OSBPL10: variants seen among roughly 807,000 people sequenced by gnomAD.
The protein encoded by OSBPL10 is oxysterol binding protein like 10.
In OSBPL10, 49 loss-of-function variants were observed where a neutral mutation model predicts 81.7. That is an observed-to-expected ratio of 0.60 (90% CI 0.48 to 0.76). OSBPL10 has a LOEUF of 0.76. Among genes scored for constraint, OSBPL10 ranks in the 30% least tolerant of loss-of-function variants. The probability of loss-of-function intolerance (pLI) is 0.00; values close to 1 mark genes in which losing one functional copy is unlikely to be tolerated. For missense variants in OSBPL10, 923 were observed against 987.8 expected (o/e 0.93, Z 0.88); for synonymous variants, 419 against 383.6 (o/e 1.09, Z -1.08).
intron 1 of OSBPL10, among the ~76,000 whole-genome samples, chr3:31,928,797 A>G (rs920336396): frequency 2.0e-5 from 3 of 150,642 alleles, no homozygotes; most frequent in Non-Finnish European, 4.4e-5. Context: ...CCCAGAATGT[A>G]TATTTATACC....
At chr3:31,999,478 A>G (rs1699124345) in intron 2 of OSBPL10, among the ~76,000 whole-genome samples, 1 of 149,506 alleles carries the variant, frequency 6.7e-6, no homozygotes, top group African/African-American at 2.5e-5. Context: ...CTTCTGCCTC[A>G]GCCTCCTGAG....
At chr3:31,902,561 C>A (rs1023926169) in intron 1 of OSBPL10, among the ~76,000 whole-genome samples, 1 of 151,434 alleles carries the variant, frequency 6.6e-6, no homozygotes, top group South Asian at 2.1e-4. Context: ...CTGCGCCCAG[C>A]CTTCCTGCCA....
At chr3:31,862,188 A>G (rs1701070863) in intron 3 of OSBPL10, among the ~76,000 whole-genome samples, 3 of 152,030 alleles carry the variant, frequency 2.0e-5, no homozygotes, top group East Asian at 1.9e-4. Context: ...TTTTTTTTTA[A>G]TTTTTTTAAA....
intron 1 of OSBPL10, among the ~76,000 whole-genome samples, chr3:31,939,884 C>T (rs1401876279): frequency 6.6e-6 from 1 of 152,068 alleles, no homozygotes; most frequent in Non-Finnish European, 1.5e-5. Context: ...CAGGTGCATG[C>T]TACCACACCT....
At chr3:31,694,269 G>T (rs1303070526) in intron 7 of OSBPL10, among the ~76,000 whole-genome samples, 2 of 150,416 alleles carry the variant, frequency 1.3e-5, no homozygotes, top group Non-Finnish European at 1.5e-5. Flanking sequence ...TACTCAGGAG[G>T]CTGAGGCAGG....
At chr3:31,666,933 C>T (rs536414824) in intron 10 of OSBPL10, among the ~76,000 whole-genome samples, 28 of 152,222 alleles carry the variant, frequency 1.8e-4, no homozygotes, top group African/African-American at 6.0e-4. Context: ...GTAGCTTGTT[C>T]CCTATTTCAG....
At chr3:31,980,828 T>G (rs1246222891) in intron 1 of OSBPL10, 71 bp downstream of exon 1, 13 of 1,423,550 alleles carry the variant, frequency 9.1e-6, no homozygotes, top group South Asian at 2.9e-5. Flanking sequence ...CAGACACACA[T>G]ACACACACGC....
chr3:31,783,426 T>C (rs1203180923), intron 4 of OSBPL10, among the ~76,000 whole-genome samples: 3 of 151,732 alleles, frequency 2.0e-5, no homozygotes, highest in African/African-American at 4.8e-5. Context: ...AGGTGATGCG[T>C]GTACCAGAAT....
intron 4 of OSBPL10, among the ~76,000 whole-genome samples, chr3:31,753,384 C>T (rs1697778096): frequency 6.6e-6 from 1 of 152,058 alleles, no homozygotes; most frequent in African/African-American, 2.4e-5. Flanking sequence ...AGGGTTTCTC[C>T]ATGCTGGTCA....
chr3:31,838,443 G>A (rs529413213), intron 3 of OSBPL10, among the ~76,000 whole-genome samples: 37 of 150,198 alleles, frequency 2.5e-4, no homozygotes, highest in African/African-American at 8.3e-4. Context: ...CCCGGGAGGC[G>A]GAGCCTGCAG....
chr3:31,935,362 T>C (rs900830065), intron 1 of OSBPL10, among the ~76,000 whole-genome samples: 2 of 152,178 alleles, frequency 1.3e-5, no homozygotes, highest in Non-Finnish European at 2.9e-5. Context: ...TGTTAAACTT[T>C]TTTTTTATAC....
chr3:31,778,358 GGA>G (rs1698602768), intron 4 of OSBPL10, among the ~76,000 whole-genome samples: 1 of 152,126 alleles, frequency 6.6e-6, no homozygotes, highest in Admixed American at 6.5e-5. Flanking sequence ...CCCTGCCCAA[GGA>G]GAGTCTGAGC....
chr3:31,663,406 C>T, intron 11 of OSBPL10: 1 of 986,770 alleles, frequency 1.0e-6, no homozygotes, highest in Non-Finnish European at 1.2e-6. Flanking sequence ...ACGTGTGGCT[C>T]CTACATTTTC....
chr3:31,842,252 AC>A (rs1255727454), intron 3 of OSBPL10, among the ~76,000 whole-genome samples: 1 of 152,228 alleles, frequency 6.6e-6, no homozygotes. Flanking sequence ...TCTCCATATC[AC>A]CTTAGCTAAG....
intron 4 of OSBPL10, among the ~76,000 whole-genome samples, chr3:31,763,788 AAACTGGGCAAAAATT>A (rs1285109389): frequency 2.6e-5 from 4 of 152,212 alleles, no homozygotes; most frequent in Non-Finnish European, 5.9e-5. Flanking sequence ...AAAAGAAAAA[AAACTGGGCAAAAATT>A]TCACACCTCC....
intron 4 of OSBPL10, among the ~76,000 whole-genome samples, chr3:31,783,104 AT>A (rs1559462791): frequency 1.5e-5 from 2 of 130,196 alleles, no homozygotes; most frequent in African/African-American, 6.8e-5. Context: ...CTATATCAAT[AT>A]ATCTATTATA....
rs558150713 is a variant in OSBPL10 at position 31,868,968 on chromosome 3, A to T, written c.537+7465T>A. Among the ~76,000 whole-genome samples the T allele has an allele frequency of 2.2e-4, 34 of 152,356 alleles. No individual in the cohort carries two copies. In the Middle Eastern group the frequency reaches 0.01, roughly 46 times the overall value. On this transcript the variant is annotated intron_variant, in intron 3 of 11. Transcript: ENST00000396556. Reference sequence around the variant, plus strand: ...CCTATCTAAAAACAGACTGCTAAACAGACACATAGCCACGAATGGATTAAA... The same window carrying T: ...CCTATCTAAAAACAGACTGCTAAACTGACACATAGCCACGAATGGATTAAA...
In OSBPL10 at chr3:32,066,023, AAGAG is replaced by A. The variant is rs150484350; in HGVS notation, n.185+11369_185+11372del. 0.033 allele frequency among the ~76,000 whole-genome samples: 2,271 copies of A among 68,208 alleles called. 597 individuals are homozygous for A. The East Asian group carries it at 0.38, about 11-fold the overall frequency. The allele number at this position is 68,208 out of a possible 152,430, so 44.7% of individuals were successfully genotyped here. A position where few individuals can be genotyped will look rare whatever the true frequency, so the allele number is the denominator to read the frequency against. Reference sequence around the variant, plus strand: ...AGAAAGAAAGAGAAAGAAAGAAAGAAAGAGAGAGAGAGAGAAAGAGAAAGAGAAG... The same window carrying A: ...AGAAAGAAAGAGAAAGAAAGAAAGAAAGAGAGAGAGAAAGAGAAAGAGAAG... On this transcript the variant is annotated intron_variant and non_coding_transcript_variant, in intron 1 of 3. Coordinates refer to the OSBPL10 transcript ENST00000479173.
intron 1 of OSBPL10, among the ~76,000 whole-genome samples, chr3:31,911,986 T>C (rs143594943): frequency 3.2e-4 from 49 of 152,284 alleles, no homozygotes; most frequent in African/African-American, 1.2e-3. Flanking sequence ...GTAATTTTGA[T>C]GGTTGCAAAA....
Sources: gnomAD v4.1 joint callset for allele counts (sites outside exome capture counted in the v4.1 genomes callset) on GRCh38, gnomAD v4.1.1 for gene constraint, MANE v1.5 for transcripts, NCBI Gene and HGNC (gene_info 2026-07-23, HGNC 2026-07-21) for gene names.